PCDH15: variants seen among roughly 807,000 people sequenced by gnomAD.
PCDH15 encodes the protein protocadherin-15.
PCDH15 carries 129 observed loss-of-function variants against 178.5 expected under a neutral mutation model. The observed-to-expected ratio is 0.72, with a 90% CI of 0.63 to 0.84. The LOEUF is 0.84. Among genes scored for constraint, PCDH15 ranks in the 40% least tolerant of loss-of-function variants. The probability of loss-of-function intolerance (pLI) is 0.00; values close to 1 mark genes in which losing one functional copy is unlikely to be tolerated. For synonymous variants in PCDH15, 800 were observed against 732.0 expected (o/e 1.09, Z -1.50); for missense variants, 2,230 against 2,099.9 (o/e 1.06, Z -1.21).
At chr10:54,338,786 G>A (rs1207243175) in intron 6 of PCDH15, among the ~76,000 whole-genome samples, 4 of 151,658 alleles carry the variant, frequency 2.6e-5, no homozygotes, top group Admixed American at 2.6e-4. Context: ...CTGCTACAAG[G>A]GACATGTCAT....
intron 2 of PCDH15, among the ~76,000 whole-genome samples, chr10:54,611,339 C>T (rs12762168): frequency 6.6e-6 from 1 of 151,602 alleles, no homozygotes; most frequent in Admixed American, 6.6e-5. Context: ...ATAATTAAAA[C>T]AGAAATGAAG....
In PCDH15 at chr10:54,276,744, A is replaced by C. The variant is rs953101122; in HGVS notation, c.877-39813T>G. On this transcript the variant is annotated intron_variant, in intron 8 of 37. Transcript: ENST00000644397. The stretch of plus-strand genomic sequence containing the variant: ...AAACAGATTATAAATAAATTTATAC[A>C]GTGGAAGTCAGTAAACTGATAAATC... Among the ~76,000 whole-genome samples the C allele has an allele frequency of 7.2e-5, 11 of 151,930 alleles. No individual in the cohort carries two copies. The East Asian group carries it at 2.1e-3, about 29-fold the overall frequency.
chr10:53,809,589 A>G (rs1174088541), intron 37 of PCDH15: 1 of 1,577,876 alleles, frequency 6.3e-7, no homozygotes, highest in East Asian at 2.2e-5. Flanking sequence ...GCTTGGAGAT[A>G]GCTATGGTAT....
intron 2 of PCDH15, among the ~76,000 whole-genome samples, chr10:55,465,906 T>G (rs989018807): frequency 1.2e-4 from 18 of 152,190 alleles, no homozygotes; most frequent in African/African-American, 4.1e-4. Context: ...AATTCTAACA[T>G]CTACAAATCA....
intron 2 of PCDH15, among the ~76,000 whole-genome samples, chr10:54,983,024 T>G (rs1383322383): frequency 6.6e-6 from 1 of 152,144 alleles, no homozygotes; most frequent in Non-Finnish European, 1.5e-5. Flanking sequence ...CAGTCTGATT[T>G]TACAAGTTAT....
intron 21 of PCDH15, among the ~76,000 whole-genome samples, chr10:53,965,967 T>A (rs2088971243): frequency 6.6e-6 from 1 of 151,538 alleles, no homozygotes; most frequent in South Asian, 2.1e-4. Flanking sequence ...CTAAAATAGT[T>A]TGCTATCCAG....
chr10:54,877,024 C>T (rs1241409385), intron 3 of PCDH15, among the ~76,000 whole-genome samples: 1 of 152,068 alleles, frequency 6.6e-6, no homozygotes, highest in Admixed American at 6.6e-5. Context: ...ATGAAATTAC[C>T]ACAGTCACCC....
At chr10:54,534,480 G>A (rs1231836219) in intron 2 of PCDH15, among the ~76,000 whole-genome samples, 1 of 152,140 alleles carries the variant, frequency 6.6e-6, no homozygotes, top group Non-Finnish European at 1.5e-5. Context: ...TCCTCTACTG[G>A]TCCCAGTATG....
chr10:54,283,294 T>C (rs2058817493), intron 8 of PCDH15, among the ~76,000 whole-genome samples: 3 of 152,172 alleles, frequency 2.0e-5, no homozygotes, highest in Admixed American at 2.0e-4. Context: ...TTATTTCCCA[T>C]ACACGCTCCT....
intron 25 of PCDH15, among the ~76,000 whole-genome samples, chr10:53,910,084 G>C (rs908781986): frequency 2.6e-5 from 4 of 152,206 alleles, no homozygotes; most frequent in Non-Finnish European, 5.9e-5. Context: ...GCAGGGCATA[G>C]CTGAACAAAA....
intron 16 of PCDH15, among the ~76,000 whole-genome samples, chr10:54,085,935 T>C (rs985688556): frequency 1.3e-5 from 2 of 152,172 alleles, no homozygotes; most frequent in Admixed American, 1.3e-4. Context: ...AAGTATACAA[T>C]AGACATGTAA....
At chr10:54,025,562 G>C (rs529045290) in intron 18 of PCDH15, among the ~76,000 whole-genome samples, 1 of 150,504 alleles carries the variant, frequency 6.6e-6, no homozygotes, top group African/African-American at 2.5e-5. Flanking sequence ...GCAGTGGTGC[G>C]ATCTCGGCTC....
chr10:54,659,618 G>A (rs992950967), intron 2 of PCDH15, among the ~76,000 whole-genome samples: 1 of 151,934 alleles, frequency 6.6e-6, no homozygotes, highest in Non-Finnish European at 1.5e-5. Context: ...CTGGGTGTTA[G>A]TGGGGCATGC....
chr10:54,472,611 G>T (rs1310372235), intron 3 of PCDH15, among the ~76,000 whole-genome samples: 1 of 152,066 alleles, frequency 6.6e-6, no homozygotes, highest in Non-Finnish European at 1.5e-5. Context: ...GTCATGATCT[G>T]CAAGGAACAT....
chr10:55,176,605 TA>T (rs1252128701), intron 1 of PCDH15, among the ~76,000 whole-genome samples: 3 of 152,152 alleles, frequency 2.0e-5, no homozygotes, highest in Non-Finnish European at 4.4e-5. Context: ...ACAACCCTTG[TA>T]ATGCCCTGAT....
At chr10:55,348,294 A>G (rs193266425) in intron 2 of PCDH15, among the ~76,000 whole-genome samples, 21 of 152,340 alleles carry the variant, frequency 1.4e-4, no homozygotes, top group African/African-American at 5.1e-4. Context: ...ATACACATAT[A>G]GAATATTTGC....
intron 5 of PCDH15, among the ~76,000 whole-genome samples, chr10:54,366,415 T>C (rs946084853): frequency 1.3e-5 from 2 of 152,046 alleles, no homozygotes; most frequent in African/African-American, 2.4e-5. Context: ...TTGCACAGAA[T>C]AAAACTCATT....
chr10:54,931,294 C>A (rs1837767794), intron 2 of PCDH15, among the ~76,000 whole-genome samples: 1 of 152,096 alleles, frequency 6.6e-6, no homozygotes, highest in African/African-American at 2.4e-5. Flanking sequence ...TCAAATAAAT[C>A]ATTGTGTGAC....
intron 2 of PCDH15, among the ~76,000 whole-genome samples, chr10:55,152,280 T>C (rs1032250100): frequency 1.3e-5 from 2 of 152,102 alleles, no homozygotes; most frequent in Admixed American, 1.3e-4. Context: ...ATTTACCTCA[T>C]GTGGATAAAT....
Sources: allele counts gnomAD v4.1 joint callset (sites outside exome capture counted in the v4.1 genomes callset), GRCh38; gene constraint gnomAD v4.1.1; transcripts MANE v1.5; gene names NCBI Gene and HGNC (gene_info 2026-07-23, HGNC 2026-07-21).